CATSPERB: variants seen among roughly 807,000 people sequenced by gnomAD.
The protein encoded by CATSPERB is cation channel sperm-associated auxiliary subunit beta.
Under a neutral mutation model 128.3 loss-of-function variants are expected in CATSPERB, and 93 were observed. That is an observed-to-expected ratio of 0.72 (90% CI 0.61 to 0.86). The LOEUF (loss-of-function observed/expected upper bound fraction) is 0.86, where lower values mean the gene tolerates loss of function less well. Among genes scored for constraint, CATSPERB ranks in the 40% least tolerant of loss-of-function variants. The probability of loss-of-function intolerance (pLI) is 0.00; values close to 1 mark genes in which losing one functional copy is unlikely to be tolerated. For synonymous variants in CATSPERB, 381 were observed against 448.8 expected (o/e 0.85, Z 1.91); for missense variants, 1,153 against 1,329.5 (o/e 0.87, Z 2.06).
At chr14:91,679,176 A>G (rs1306852413) in intron 11 of CATSPERB, among the ~76,000 whole-genome samples, 1 of 152,170 alleles carries the variant, frequency 6.6e-6, no homozygotes, top group Non-Finnish European at 1.5e-5. Context: ...GTGGGAAAAC[A>G]TGTTTATAAA....
intron 19 of CATSPERB, among the ~76,000 whole-genome samples, chr14:91,618,908 A>T (rs775221001): frequency 2.6e-4 from 40 of 152,212 alleles, no homozygotes; most frequent in Admixed American, 5.2e-4. Flanking sequence ...GAGATTCTGC[A>T]TTTCTAACAA....
At chr14:91,647,370 T>C (rs535480419) in intron 15 of CATSPERB, among the ~76,000 whole-genome samples, 22 of 152,294 alleles carry the variant, frequency 1.4e-4, no homozygotes, top group African/African-American at 5.1e-4. Context: ...AACTCTTCAT[T>C]AGTCCACCAA....
intron 18 of CATSPERB, among the ~76,000 whole-genome samples, chr14:91,624,443 C>T (rs932418989): frequency 6.6e-6 from 1 of 152,148 alleles, no homozygotes; most frequent in Non-Finnish European, 1.5e-5. Context: ...GAGATTGCAC[C>T]ACTGCGCTCC....
chr14:91,707,402 C>CAG, intron 6 of CATSPERB, among the ~76,000 whole-genome samples: 1 of 151,974 alleles, frequency 6.6e-6, no homozygotes, highest in Non-Finnish European at 1.5e-5. Context: ...ATCAAACTAT[C>CAG]AGAGTCCCAA....
chr14:91,606,757 G>A (rs558371895), intron 22 of CATSPERB, among the ~76,000 whole-genome samples: 6 of 152,254 alleles, frequency 3.9e-5, no homozygotes, highest in Admixed American at 1.3e-4. Flanking sequence ...TTCAGAAAAT[G>A]TCTGGATAGT....
chr14:91,645,806 C>G (rs1207238509), intron 15 of CATSPERB, among the ~76,000 whole-genome samples: 1 of 150,144 alleles, frequency 6.7e-6, no homozygotes, highest in Non-Finnish European at 1.5e-5. Context: ...CCTCCCCCAG[C>G]CTCGCTGCTG....
intron 4 of CATSPERB, among the ~76,000 whole-genome samples, chr14:91,722,500 G>C (rs960404321): frequency 1.3e-5 from 2 of 152,098 alleles, no homozygotes; most frequent in Non-Finnish European, 2.9e-5. Context: ...GGGAGTGGAG[G>C]GGGGATTGGG....
chr14:91,704,846 A>C (rs1212846008), intron 6 of CATSPERB, 145 bp from the exon 7 acceptor site: 13 of 742,426 alleles, frequency 1.8e-5, no homozygotes, highest in Admixed American at 6.4e-5. Context: ...GCATTGGTTA[A>C]AAATCAGTCA....
intron 20 of CATSPERB, 59 bp from the exon 21 acceptor site, chr14:91,610,736 T>C (rs1893810427): frequency 1.3e-6 from 2 of 1,513,270 alleles, no homozygotes; most frequent in Non-Finnish European, 9.0e-7. Flanking sequence ...CTGAACTGTG[T>C]CCAACCAAAA....
At chr14:91,620,070 C>T (rs1894014645) in intron 19 of CATSPERB, among the ~76,000 whole-genome samples, 1 of 151,918 alleles carries the variant, frequency 6.6e-6, no homozygotes, top group Non-Finnish European at 1.5e-5. Context: ...TGTTGGGGCC[C>T]AGGTGTTATT....
At chr14:91,633,230 G>C (rs1894309152) in intron 17 of CATSPERB, among the ~76,000 whole-genome samples, 1 of 152,112 alleles carries the variant, frequency 6.6e-6, no homozygotes, top group African/African-American at 2.4e-5. Flanking sequence ...TCTTATGTCA[G>C]TTTAATTCTC....
intron 25 of CATSPERB, 116 bp from the exon 26 acceptor site, chr14:91,587,392 C>T: frequency 1.8e-6 from 1 of 566,628 alleles, no homozygotes. Flanking sequence ...AAAAGATTCC[C>T]ATCCTCTTCC....
intron 22 of CATSPERB, among the ~76,000 whole-genome samples, chr14:91,606,498 GGT>G (rs1310782635): frequency 6.6e-6 from 1 of 152,126 alleles, no homozygotes; most frequent in East Asian, 1.9e-4. Flanking sequence ...CTGAGGCGGA[GGT>G]TGCAGTGAGC....
At chr14:91,660,251 T>C (rs1203819802) in intron 14 of CATSPERB, among the ~76,000 whole-genome samples, 1 of 152,190 alleles carries the variant, frequency 6.6e-6, no homozygotes, top group Non-Finnish European at 1.5e-5. Context: ...TGCATAGTGA[T>C]TGTATAAAAT....
chr14:91,603,965 A>AT (rs35843912), intron 22 of CATSPERB, among the ~76,000 whole-genome samples: 23,536 of 139,178 alleles, frequency 0.17, 2,108 homozygotes, highest in African/African-American at 0.22. Context: ...AACTTCATCT[A>AT]TTTTTTTTTT....
At chr14:91,674,294 A>C (rs1895153213) in intron 11 of CATSPERB, 72 bp from the exon 12 acceptor site, 1 of 839,932 alleles carries the variant, frequency 1.2e-6, no homozygotes, top group Non-Finnish European at 1.9e-6. Flanking sequence ...GGTTAGTCTT[A>C]ATAGTCTTCA....
chr14:91,660,274 C>T (rs1894854454), intron 14 of CATSPERB, among the ~76,000 whole-genome samples: 1 of 152,162 alleles, frequency 6.6e-6, no homozygotes, highest in Non-Finnish European at 1.5e-5. Context: ...CAAAGTTATT[C>T]CTATGATCTC....
chr14:91,718,185 C>T (rs766218242), intron 5 of CATSPERB, among the ~76,000 whole-genome samples: 3 of 152,080 alleles, frequency 2.0e-5, no homozygotes, highest in Non-Finnish European at 2.9e-5. Context: ...TAGGCTACAT[C>T]GAAAATAAGT....
In CATSPERB at chr14:91,703,303, C is replaced by T. The variant is rs565371688; in HGVS notation, c.616+1249G>A. On this transcript the variant is annotated intron_variant, in intron 7 of 26. Coordinates refer to ENST00000256343, the MANE Select transcript of CATSPERB (RefSeq NM_024764.4). ...ATACGTATTTGGTTTTCGTCCCTGGCTCCTGATAGAGAACTCCTAAAACCT... is the reference window on the plus strand; with the variant it reads ...ATACGTATTTGGTTTTCGTCCCTGGTTCCTGATAGAGAACTCCTAAAACCT... 5.3e-5 allele frequency among the ~76,000 whole-genome samples: 8 copies of T among 152,224 alleles called. No homozygotes were observed. The East Asian group carries it at 1.5e-3, about 29-fold the overall frequency.
Sources: allele counts gnomAD v4.1 joint callset (sites outside exome capture counted in the v4.1 genomes callset), GRCh38; gene constraint gnomAD v4.1.1; transcripts MANE v1.5; gene names NCBI Gene and HGNC (gene_info 2026-07-23, HGNC 2026-07-21).